The following MAP3K13 variants were observed in gnomAD, a reference collection of about 807,000 sequenced individuals.
The protein encoded by MAP3K13 is leucine zipper-bearing kinase.
In MAP3K13, 52 loss-of-function variants were observed where a neutral mutation model predicts 104.0. The ratio of observed to expected loss-of-function variants is 0.50; its 90% CI spans 0.40 to 0.63. MAP3K13 has a LOEUF of 0.63. Among genes scored for constraint, MAP3K13 ranks in the 20% least tolerant of loss-of-function variants. The pLI is 0.00. For synonymous variants in MAP3K13, 394 were observed against 442.2 expected, an observed-to-expected ratio of 0.89 and a Z score of 1.37; for missense variants, 914 against 1,218.5, an observed-to-expected ratio of 0.75 and a Z score of 3.72.
chr3:185,292,346 T>C (rs1225382810), intron 2 of MAP3K13: 1 of 151,496 alleles, frequency 6.6e-6, no homozygotes, highest in Non-Finnish European at 1.5e-5. Context: ...GAAATGAGGA[T>C]GAAGCGGTAA....
chr3:185,302,694 AT>A (rs1403254804), intron 2 of MAP3K13, among the ~76,000 whole-genome samples: 1 of 152,126 alleles, frequency 6.6e-6, no homozygotes, highest in African/African-American at 2.4e-5. Flanking sequence ...TGAATCATTG[AT>A]TTTGTATTCT....
At chr3:185,456,297 A>G (rs975252549) in intron 7 of MAP3K13, among the ~76,000 whole-genome samples, 5 of 152,064 alleles carry the variant, frequency 3.3e-5, no homozygotes, top group African/African-American at 9.7e-5. Flanking sequence ...GTTTGTTACT[A>G]TTTCTAAGAA....
At chr3:185,327,482 T>C (rs1484224858) in intron 2 of MAP3K13, among the ~76,000 whole-genome samples, 1 of 147,376 alleles carries the variant, frequency 6.8e-6, no homozygotes, top group African/African-American at 2.5e-5. Context: ...AGGGGTCAAA[T>C]TGGACTCAGA....
chr3:185,448,766 T>C (rs760407174), intron 5 of MAP3K13, among the ~76,000 whole-genome samples: 1 of 152,184 alleles, frequency 6.6e-6, no homozygotes, highest in Non-Finnish European at 1.5e-5. Flanking sequence ...TTTTTGCCAA[T>C]CATATAGGTA....
At position 185,396,635 on chromosome 3, in the gene MAP3K13, C is replaced by T. The variant is rs146354575; in HGVS notation, c.-85-31862C>T. On this transcript the variant is annotated intron_variant, in intron 1 of 13. Transcript: ENST00000265026. ...AACTCAATATACAAATGTAAGATAA[C>T]AGTGATTACTGTTATTTGCTGCTGT... is the stretch of plus-strand genomic sequence containing the variant. Among the ~76,000 whole-genome samples, 265 of 152,230 alleles carry T rather than the reference C, an allele frequency of 1.7e-3. 1 individual carries two copies. Among genetic ancestry groups the T allele is most frequent in the Non-Finnish European group, 1.9e-3 (127 of 68,016 alleles).
chr3:185,349,977 A>G (rs941194213), intron 2 of MAP3K13, among the ~76,000 whole-genome samples: 1 of 152,228 alleles, frequency 6.6e-6, no homozygotes, highest in Non-Finnish European at 1.5e-5. Context: ...CCTGGGGCCA[A>G]AGCCTTCTGA....
chr3:185,386,033 C>G (rs1711667104), intron 1 of MAP3K13, among the ~76,000 whole-genome samples: 1 of 151,446 alleles, frequency 6.6e-6, no homozygotes, highest in South Asian at 2.1e-4. Context: ...GCTTAATACA[C>G]ATGATCAAGT....
chr3:185,370,765 C>G (rs1397770344), intron 1 of MAP3K13, among the ~76,000 whole-genome samples: 2 of 140,196 alleles, frequency 1.4e-5, no homozygotes, highest in Non-Finnish European at 3.0e-5. Context: ...AAAAAAAAAG[C>G]TTCCATTAGA....
At chr3:185,414,857 T>C (rs536553540) in intron 1 of MAP3K13, among the ~76,000 whole-genome samples, 40 of 152,152 alleles carry the variant, frequency 2.6e-4, no homozygotes, top group African/African-American at 9.4e-4. Flanking sequence ...AAAGAAAATT[T>C]CCATAATATA....
At chr3:185,327,109 ACT>A (rs935504114) in intron 2 of MAP3K13, among the ~76,000 whole-genome samples, 1 of 152,134 alleles carries the variant, frequency 6.6e-6, no homozygotes, top group African/African-American at 2.4e-5. Flanking sequence ...CAGGGCGGAC[ACT>A]CTGGGGAAAA....
At chr3:185,463,461 AG>A in intron 7 of MAP3K13, 88 bp from the exon 8 acceptor site, 1 of 716,938 alleles carries the variant, frequency 1.4e-6, no homozygotes, top group East Asian at 2.5e-5. Context: ...AGAAGCATGC[AG>A]GGAAAAAAAA....
chr3:185,363,783 A>C (rs544234377), intron 1 of MAP3K13, among the ~76,000 whole-genome samples: 1 of 152,356 alleles, frequency 6.6e-6, no homozygotes, highest in Admixed American at 6.5e-5. Context: ...CTTCCTTGCG[A>C]CCGTCCTTTC....
chr3:185,308,986 GA>G (rs1721401192), intron 2 of MAP3K13, among the ~76,000 whole-genome samples: 1 of 152,088 alleles, frequency 6.6e-6, no homozygotes, highest in African/African-American at 2.4e-5. Context: ...CTCTGTGGGG[GA>G]ATGAGGTCTG....
rs1180324915 is a variant in MAP3K13 at position 185,488,716 on chromosome 3, C to G, written c.*6260C>G. 1 of 152,270 alleles carries G rather than the reference C, an allele frequency of 6.6e-6. No individual in the cohort carries two copies. Among genetic ancestry groups the G allele is most frequent in the Non-Finnish European group, 1.5e-5 (1 of 68,116 alleles). The allele number at this position is 152,270 out of a possible 1,614,324, so 9.4% of individuals were successfully genotyped here. Reference sequence around the variant, plus strand: ...CAGTGACCAGGTGGACAGGGTCCTCCAGTGACTGCAGGCCAAGGGAACCCC... The same window carrying G: ...CAGTGACCAGGTGGACAGGGTCCTCGAGTGACTGCAGGCCAAGGGAACCCC... On this transcript the variant is annotated 3_prime_UTR_variant, in exon 14 of 14. Coordinates refer to ENST00000265026, the MANE Select transcript of MAP3K13 (RefSeq NM_004721.5).
In MAP3K13 at chr3:185,455,543, A is replaced by ATATATATGATATATATGACATATATAT. The variant is rs1491361772; in HGVS notation, c.1278+4148_1278+4149insTATATATGATATATATGACATATATAT. 8.1e-4 allele frequency among the ~76,000 whole-genome samples: 6 copies of ATATATATGATATATATGACATATATAT among 7,444 alleles called. 1 individual carries two copies. Among genetic ancestry groups the ATATATATGATATATATGACATATATAT allele is most frequent in the East Asian group, 2.9e-3 (1 of 344 alleles). The allele number at this position is 7,444 out of a possible 152,430, so 4.9% of individuals were successfully genotyped here. ...ATATGATATATATGAGATATATATG[A>ATATATATGATATATATGACATATATAT]CATATATATGATATATATGAGATAT... is the stretch of plus-strand genomic sequence containing the variant. On this transcript the variant is annotated intron_variant, in intron 7 of 13. Transcript: ENST00000265026.
chr3:185,292,897 T>C (rs1445557200), intron 2 of MAP3K13: 1 of 984,278 alleles, frequency 1.0e-6, no homozygotes, highest in Non-Finnish European at 1.2e-6. Context: ...TATTAGTGAT[T>C]TGTGAAACTT....
Position 185,443,774 on chromosome 3 carries a change from G to C in MAP3K13, c.851+138G>C, listed in dbSNP as rs1034299180. The C allele has an allele frequency of 1.0e-5, 7 of 688,370 alleles. No homozygotes were observed. In the African/African-American group the frequency reaches 1.1e-4, roughly 11 times the overall value. The allele number at this position is 688,370 out of a possible 1,614,324, so 42.6% of individuals were successfully genotyped here. On this transcript the variant is annotated intron_variant, in intron 4 of 13. Coordinates refer to ENST00000265026, the MANE Select transcript of MAP3K13 (RefSeq NM_004721.5). ...CAGCACAGTGGGTAATTCTGTTTGC[G>C]CATCTCTTGGGTTATTGTTGACCTA... is the stretch of plus-strand genomic sequence containing the variant.
intron 2 of MAP3K13, among the ~76,000 whole-genome samples, chr3:185,321,121 C>CATAT (rs1385249205): frequency 1.5e-4 from 22 of 149,830 alleles, no homozygotes; most frequent in Non-Finnish European, 2.8e-4. Flanking sequence ...TGCGTGCACA[C>CATAT]ACATATACAC....
intron 2 of MAP3K13, chr3:185,329,309 G>C: frequency 1.4e-6 from 1 of 696,894 alleles, no homozygotes; most frequent in Non-Finnish European, 2.6e-6. Context: ...TTATCCTCAT[G>C]TTCTTTCCAG....
Sources: allele counts gnomAD v4.1 joint callset (sites outside exome capture counted in the v4.1 genomes callset), GRCh38; gene constraint gnomAD v4.1.1; transcripts MANE v1.5; gene names NCBI Gene and HGNC (gene_info 2026-07-23, HGNC 2026-07-21).